The following ABCA9 variants were observed in gnomAD, a reference collection of about 807,000 sequenced individuals.
The protein encoded by ABCA9 is ATP-binding cassette sub-family A member 9.
Under a neutral mutation model 205.3 loss-of-function variants are expected in ABCA9, and 183 were observed. The ratio of observed to expected loss-of-function variants is 0.89; its 90% confidence interval spans 0.79 to 1.01. ABCA9 has a LOEUF of 1.01. Ranked by LOEUF, ABCA9 falls within the 50% of genes least tolerant of loss-of-function variation. The pLI is 0.00. For missense variants in ABCA9, 1,805 were observed against 1,912.4 expected (o/e 0.94, Z 1.05); for synonymous variants, 651 against 683.3 (o/e 0.95, Z 0.74).
chr17:69,046,875 C>CTATATATATATATA (rs71144650), intron 3 of ABCA9, among the ~76,000 whole-genome samples: 5 of 127,766 alleles, frequency 3.9e-5, no homozygotes, highest in South Asian at 2.5e-4. Flanking sequence ...CGATTTTATA[C>CTATATATATATATA]TATATATATA....
intron 18 of ABCA9, among the ~76,000 whole-genome samples, chr17:69,021,072 G>A (rs578107320): frequency 2.0e-5 from 3 of 151,890 alleles, no homozygotes; most frequent in Non-Finnish European, 4.4e-5. Context: ...GACTAACTCT[G>A]GCTACTAGAA....
chr17:69,011,362 T>C (rs2070364361), intron 23 of ABCA9, among the ~76,000 whole-genome samples: 1 of 152,128 alleles, frequency 6.6e-6, no homozygotes, highest in Non-Finnish European at 1.5e-5. Flanking sequence ...GGAAAAATAG[T>C]ATTTTGTGTT....
chr17:69,029,854 C>A (rs149758604), intron 10 of ABCA9, among the ~76,000 whole-genome samples: 4 of 151,902 alleles, frequency 2.6e-5, no homozygotes, highest in Non-Finnish European at 4.4e-5. Flanking sequence ...GGAAAAAGAC[C>A]AGGAAAATGA....
At chr17:69,013,946 T>C (rs1387376956) in intron 22 of ABCA9, among the ~76,000 whole-genome samples, 1 of 152,166 alleles carries the variant, frequency 6.6e-6, no homozygotes, top group Non-Finnish European at 1.5e-5. Context: ...ACCTATGAAC[T>C]CAAGGTCAGC....
intron 23 of ABCA9, among the ~76,000 whole-genome samples, chr17:69,011,260 A>AACTC (rs2070361542): frequency 6.6e-6 from 1 of 152,154 alleles, no homozygotes; most frequent in African/African-American, 2.4e-5. Flanking sequence ...TTGAGATTTG[A>AACTC]ACTCAGAGGA....
Position 69,027,367 on chromosome 17 carries a change from T to C in ABCA9, c.1874A>G (p.Lys625Arg). The change falls in exon 14 of 39, where the codon AAA becomes AGA. Residue 625 changes from lysine (K) to arginine (R), a missense_variant. Physicochemically the swap from Lys to Arg is conservative, Grantham distance 26. Coordinates refer to ENST00000340001, the MANE Select transcript of ABCA9 (RefSeq NM_080283.4). ...AQNLSGGQNR[K>R]LTFGIAILGD... ...TAAAATGGCAATCCCAAAAGTTAGT[T>C]TCCTATTTTGTCCACCACTTAAGTT... The C allele has an allele frequency of 6.2e-7, 1 of 1,613,354 alleles. No individual in the cohort carries two copies. Among genetic ancestry groups the C allele is most frequent in the South Asian group, 1.1e-5 (1 of 90,980 alleles).
At position 69,027,468 on chromosome 17, in the gene ABCA9, T is replaced by C. The variant is rs1361539936; in HGVS notation, c.1792-19A>G. ...GTTGTACCTAATCAAATAAAGAATA[T>C]TTAGTCCAAAACCCAGAAAGTTTAT... On this transcript the variant is annotated intron_variant, in intron 13 of 38. Coordinates refer to ENST00000340001, the MANE Select transcript of ABCA9 (RefSeq NM_080283.4). 3.1e-6 allele frequency: 5 copies of C among 1,595,482 alleles called. No homozygotes were observed. Among genetic ancestry groups the C allele is most frequent in the Non-Finnish European group, 4.3e-6 (5 of 1,173,764 alleles).
At position 69,018,500 on chromosome 17, in the gene ABCA9, A is replaced by C. The variant is rs201417394; in HGVS notation, c.2680T>G (p.Trp894Gly). 6.2e-7 allele frequency: 1 copy of C among 1,608,332 alleles called. No individual in the cohort carries two copies. The highest frequency in any genetic ancestry group is 2.2e-5 in the East Asian group (1 of 44,696). ...AAGTATGTATTTGGAGACAGTTCCC[A>C]CGGGTAACTTTTCTGATATGACTCG... ...FYESYQKSYP[W>G]ELSPNTYFLS... The change falls in exon 20 of 39, where the codon TGG becomes GGG. Residue 894 changes from tryptophan to glycine, a missense_variant. Physicochemically the swap from Trp to Gly is radical, Grantham distance 184. Transcript: ENST00000340001.
chr17:69,076,062 A>G, the ABCA9 span, among the ~76,000 whole-genome samples: 1 of 152,198 alleles, frequency 6.6e-6, no homozygotes, highest in African/African-American at 2.4e-5. Flanking sequence ...TATGTTGAAT[A>G]GGAGTGGTGA....
At chr17:69,014,754 T>G (rs2070519730) in intron 22 of ABCA9, among the ~76,000 whole-genome samples, 1 of 152,160 alleles carries the variant, frequency 6.6e-6, no homozygotes, top group African/African-American at 2.4e-5. Flanking sequence ...TAGCTCTTTC[T>G]GAGGAAGCAC....
Position 69,029,235 on chromosome 17 carries a change from A to G in ABCA9, c.1446-8T>C, listed in dbSNP as rs1167827489. 1 of 1,530,950 alleles carries G rather than the reference A, an allele frequency of 6.5e-7. No homozygotes were observed. The highest frequency in any genetic ancestry group is 1.8e-5 in the Admixed American group (1 of 55,482). The allele number at this position is 1,530,950 out of a possible 1,614,324, so 94.8% of individuals were successfully genotyped here. The stretch of plus-strand genomic sequence containing the variant: ...TTTTTAAGATTTTTGATTCTGAAAA[A>G]AAGAGGGAAATGTTTTCAGAGAATT... On this transcript the variant is annotated splice_region_variant and splice_polypyrimidine_tract_variant and intron_variant, in intron 10 of 38. Transcript: ENST00000340001.
chr17:69,067,660 AGAAAGAAG>A, the ABCA9 span, among the ~76,000 whole-genome samples: 47 of 152,168 alleles, frequency 3.1e-4, no homozygotes, highest in African/African-American at 9.4e-4. Flanking sequence ...AGAAAGAGAA[AGAAAGAAG>A]GAAAGAAGGA....
At chr17:69,010,045 C>CT (rs1218358101) in intron 23 of ABCA9, among the ~76,000 whole-genome samples, 1 of 151,888 alleles carries the variant, frequency 6.6e-6, no homozygotes, top group African/African-American at 2.4e-5. Flanking sequence ...TCTTAGGTTT[C>CT]AGTCAAGAGT....
chr17:69,016,108 A>G (rs868158741), intron 22 of ABCA9, 145 bp downstream of exon 22: 4,327 of 226,964 alleles, frequency 0.019, 58 homozygotes, highest in Admixed American at 0.068. Context: ...GTGTGTATAT[A>G]TATATATATA....
rs373353580 is a variant in ABCA9, at chr17:69,020,474, G to A, written c.2514C>T (p.Gly838=). The change falls in exon 19 of 39, where the codon GGC becomes GGT. Residue 838 remains glycine, a synonymous_variant. Transcript: ENST00000340001. The stretch of plus-strand genomic sequence containing the variant: ...AGACCTGCTGCCTCCAGAGCGCCAC[G>A]CCACTGATTGTTTTCCTTGTTTCGT... ...SFHETRKTIS[G]VALWRQQVCA... The A allele has an allele frequency of 7.9e-5, 128 of 1,614,008 alleles. 1 individual carries two copies. The highest frequency in any genetic ancestry group is 6.6e-4 in the Middle Eastern group (4 of 6,062).
chr17:69,048,705 G>A (rs1039344036), intron 3 of ABCA9, among the ~76,000 whole-genome samples: 2 of 152,148 alleles, frequency 1.3e-5, no homozygotes, highest in African/African-American at 4.8e-5. Flanking sequence ...TTTCAGTTGC[G>A]ATTCTCAAAT....
intron 19 of ABCA9, 58 bp downstream of exon 19, chr17:69,020,330 C>T (rs770063889): frequency 6.7e-7 from 1 of 1,483,544 alleles, no homozygotes; most frequent in South Asian, 1.3e-5. Context: ...ATGTTTTGCT[C>T]TCTTAAATTT....
intron 22 of ABCA9, among the ~76,000 whole-genome samples, chr17:69,013,472 A>G (rs1459203786): frequency 6.6e-6 from 1 of 152,102 alleles, no homozygotes; most frequent in Non-Finnish European, 1.5e-5. Context: ...GCCAAAGACT[A>G]CATCCCCCAT....
intron 6 of ABCA9, 33 bp downstream of exon 6, chr17:69,043,456 T>C: frequency 6.7e-7 from 1 of 1,488,850 alleles, no homozygotes; most frequent in Non-Finnish European, 9.1e-7. Context: ...TGTTTGTTTA[T>C]GCTGTATAAT....
Sources: gnomAD v4.1 joint callset for allele counts (sites outside exome capture counted in the v4.1 genomes callset) on GRCh38, gnomAD v4.1.1 for gene constraint, MANE v1.5 for transcripts, NCBI Gene and HGNC (gene_info 2026-07-23, HGNC 2026-07-21) for gene names.